The following ANKRD36C variants were observed in gnomAD, a reference collection of about 807,000 sequenced individuals.
ANKRD36C encodes ankyrin repeat domain 36C, also known as ankyrin repeat domain-containing protein 36C.
A neutral mutation model predicts 276.4 loss-of-function variants in ANKRD36C; 61 were observed. That is an observed-to-expected ratio of 0.22 (90% CI 0.18 to 0.27). ANKRD36C has a LOEUF of 0.27. Ranked by LOEUF, ANKRD36C falls within the 10% of genes least tolerant of loss-of-function variation. The probability of loss-of-function intolerance (pLI) is 1.00; values close to 1 mark genes in which losing one functional copy is unlikely to be tolerated. For synonymous variants in ANKRD36C, 483 were observed against 680.1 expected, an observed-to-expected ratio of 0.71 and a Z score of 4.51; for missense variants, 1,447 against 2,032.3, an observed-to-expected ratio of 0.71 and a Z score of 5.54.
At chr2:95,858,432 G>C (rs1477279343) in intron 61 of ANKRD36C, among the ~76,000 whole-genome samples, 1 of 152,058 alleles carries the variant, frequency 6.6e-6, no homozygotes, top group East Asian at 1.9e-4. Context: ...ATTGATAAAA[G>C]AACATCCTGC....
intron 13 of ANKRD36C, among the ~76,000 whole-genome samples, chr2:95,954,529 C>T (rs564149882): frequency 1.3e-5 from 2 of 152,294 alleles, no homozygotes; most frequent in East Asian, 3.9e-4. Context: ...AAAGAGGGCC[C>T]ATTGATTCTT....
At chr2:95,970,266 G>A (rs943842329) in intron 6 of ANKRD36C, among the ~76,000 whole-genome samples, 2 of 152,244 alleles carry the variant, frequency 1.3e-5, no homozygotes, top group East Asian at 3.9e-4. Context: ...GAAGATTCTG[G>A]TAGTTTGCTT....
intron 54 of ANKRD36C, among the ~76,000 whole-genome samples, 163 bp from the exon 75 acceptor site, chr2:95,882,660 C>T (rs1676112042): frequency 6.6e-6 from 1 of 152,012 alleles, no homozygotes; most frequent in South Asian, 2.1e-4. Flanking sequence ...AGGAAATACA[C>T]TGAAGAAAAT....
chr2:95,854,958 T>A (rs529599773), intron 63 of ANKRD36C, among the ~76,000 whole-genome samples: 1 of 152,248 alleles, frequency 6.6e-6, no homozygotes, highest in Admixed American at 6.5e-5. Context: ...ATCATGGTCT[T>A]AAAATGTTGC....
chr2:95,969,875 C>T (rs761105745), intron 6 of ANKRD36C, among the ~76,000 whole-genome samples: 4 of 151,860 alleles, frequency 2.6e-5, no homozygotes, highest in Non-Finnish European at 5.9e-5. Flanking sequence ...TATTATTAAT[C>T]TCTTATTGTG....
chr2:95,910,328 A>T, intron 42 of ANKRD36C, 45 bp downstream of exon 46: 6 of 1,505,572 alleles, frequency 4.0e-6, no homozygotes, highest in Non-Finnish European at 5.3e-6. Flanking sequence ...AGAACTTCTT[A>T]TCTATCTGGA....
At chr2:95,879,496 A>T (rs1393254398) in intron 58 of ANKRD36C, among the ~76,000 whole-genome samples, 9 of 151,236 alleles carry the variant, frequency 6.0e-5, no homozygotes, top group Non-Finnish European at 1.3e-4. Context: ...GGTGATGGAT[A>T]ACCCATTAAC....
intron 58 of ANKRD36C, among the ~76,000 whole-genome samples, chr2:95,879,657 TATA>T (rs1461225892): frequency 1.2e-4 from 18 of 152,162 alleles, no homozygotes; most frequent in Non-Finnish European, 2.9e-5. Flanking sequence ...ATTGGCTTAA[TATA>T]ATAAGTGTAA....
rs369113684 is a variant in ANKRD36C, at chr2:95,956,825, C to T, written c.1106-9G>A. 2 of 1,528,096 alleles carry T rather than the reference C, an allele frequency of 1.3e-6. No individual in the cohort carries two copies. The highest frequency in any genetic ancestry group is 2.8e-5 in the African/African-American group (2 of 71,842). The allele number at this position is 1,528,096 out of a possible 1,614,324, so 94.7% of individuals were successfully genotyped here. ...TTCAACAGCAGGAAGCACTATCAAACAAAAAGTAAAATGCATTTTAAATCA... is the reference window on the plus strand; with the variant it reads ...TTCAACAGCAGGAAGCACTATCAAATAAAAAGTAAAATGCATTTTAAATCA... On this transcript the variant is annotated splice_polypyrimidine_tract_variant and intron_variant, in intron 12 of 66. Transcript: ENST00000456556.
At chr2:95,868,513 A>T (rs1361473786) in intron 59 of ANKRD36C, among the ~76,000 whole-genome samples, 1 of 151,256 alleles carries the variant, frequency 6.6e-6, no homozygotes, top group Non-Finnish European at 1.5e-5. Flanking sequence ...CATTATAAAA[A>T]TTTTCCTTGT....
At chr2:95,972,450 C>G (rs367782708) in intron 6 of ANKRD36C, among the ~76,000 whole-genome samples, 1 of 152,206 alleles carries the variant, frequency 6.6e-6, no homozygotes, top group African/African-American at 2.4e-5. Flanking sequence ...CAGGAGAGGG[C>G]TCCCGGAAGC....
At chr2:95,890,494 G>A (rs1676317191) in intron 46 of ANKRD36C, among the ~76,000 whole-genome samples, 4 of 151,514 alleles carry the variant, frequency 2.6e-5, no homozygotes, top group Admixed American at 2.6e-4. Context: ...CATCTCCTCA[G>A]TGGAAGTGTC....
chr2:95,875,163 T>A (rs1329937517), intron 59 of ANKRD36C, among the ~76,000 whole-genome samples: 11 of 152,104 alleles, frequency 7.2e-5, no homozygotes, highest in South Asian at 4.1e-4. Flanking sequence ...CATTTGACCC[T>A]GCCATCCCAT....
chr2:95,952,997 G>T (rs2438941), intron 14 of ANKRD36C, among the ~76,000 whole-genome samples: 1 of 152,256 alleles, frequency 6.6e-6, no homozygotes, highest in Admixed American at 6.5e-5. Context: ...TTTAGAATGC[G>T]ATACAAAGAC....
intron 61 of ANKRD36C, 36 bp from the exon 82 acceptor site, chr2:95,857,528 G>T (rs771743042): frequency 6.5e-7 from 1 of 1,527,576 alleles, no homozygotes; most frequent in Non-Finnish European, 8.8e-7. Flanking sequence ...TATCTTATCA[G>T]TGAGGACTAA....
At chr2:95,975,216 T>C (rs1443692261) in intron 6 of ANKRD36C, among the ~76,000 whole-genome samples, 2 of 152,170 alleles carry the variant, frequency 1.3e-5, no homozygotes, top group Admixed American at 1.3e-4. Flanking sequence ...AGGTAATTTA[T>C]AGATTCAATG....
At chr2:95,893,242 C>A (rs1435296192) in intron 44 of ANKRD36C, among the ~76,000 whole-genome samples, 3 of 151,196 alleles carry the variant, frequency 2.0e-5, no homozygotes, top group Admixed American at 6.6e-5. Context: ...TGAAAACAAG[C>A]TGGAGAATTA....
At position 95,972,698 on chromosome 2, in the gene ANKRD36C, C is replaced by A. The variant is rs572318690; in HGVS notation, c.799+5424G>T. Reference sequence around the variant, plus strand: ...TACGATCAGAAGGCTGTTTATAAAACACCTTTCCCTAATCTGTTCTCCTTA... The same window carrying A: ...TACGATCAGAAGGCTGTTTATAAAAAACCTTTCCCTAATCTGTTCTCCTTA... On this transcript the variant is annotated intron_variant, in intron 6 of 66. Transcript: ENST00000456556. 1.1e-3 allele frequency among the ~76,000 whole-genome samples: 163 copies of A among 152,360 alleles called. 1 individual carries two copies. In the Middle Eastern group the frequency reaches 0.014, roughly 13 times the overall value.
rs1678935828 is a variant in ANKRD36C at position 95,982,134 on chromosome 2, T to C, written c.593+122A>G. The C allele has an allele frequency of 6.8e-6, 5 of 738,364 alleles. No homozygotes were observed. In the African/African-American group the frequency reaches 7.2e-5, roughly 11 times the overall value. 45.7% of individuals were successfully genotyped at this position (738,364 alleles called of 1,614,324 possible). A position where few individuals can be genotyped will look rare whatever the true frequency, so the allele number is the denominator to read the frequency against. On this transcript the variant is annotated intron_variant, in intron 4 of 66. Coordinates refer to ENST00000456556, the Ensembl canonical transcript of ANKRD36C. ...GATGATCTGTGTTGATATTTCTCAC[T>C]ATATCCCAATAATTAAAAGTTAGTC...
Sources: gnomAD v4.1 joint callset for allele counts (sites outside exome capture counted in the v4.1 genomes callset) on GRCh38, gnomAD v4.1.1 for gene constraint, MANE v1.5 for transcripts, NCBI Gene and HGNC (gene_info 2026-07-23, HGNC 2026-07-21) for gene names.